Variants in ATRX observed in about 807,000 individuals in gnomAD.
The protein encoded by ATRX is chromatin remodeler ATRX.
ATRX carries 12 observed loss-of-function variants against 172.6 expected under a neutral mutation model. That is an observed-to-expected ratio of 0.07 (90% CI 0.04 to 0.11). The LOEUF is 0.11. Among genes scored for constraint, ATRX ranks in the 10% least tolerant of loss-of-function variants. The probability of loss-of-function intolerance (pLI) is 1.00; values close to 1 mark genes in which losing one functional copy is unlikely to be tolerated. For synonymous variants in ATRX, 674 were observed against 594.7 expected, an observed-to-expected ratio of 1.13 and a Z score of -1.94; for missense variants, 1,368 against 1,767.4, an observed-to-expected ratio of 0.77 and a Z score of 4.05.
intron 13 of ATRX, among the ~76,000 whole-genome samples, chrX:77,655,400 A>T (rs2069492528): frequency 9.0e-6 from 1 of 111,290 alleles, no homozygotes; most frequent in Admixed American, 9.6e-5. Flanking sequence ...ACATGGATGA[A>T]CCATGAAAAC....
chrX:77,721,930 C>G (rs781809778), intron 1 of ATRX, among the ~76,000 whole-genome samples: 1 of 111,833 alleles, frequency 8.9e-6, no homozygotes, highest in South Asian at 3.7e-4. Context: ...AACTATACTA[C>G]AAGGCTACAG....
chrX:77,772,248 T>G (rs2076177896), intron 1 of ATRX, among the ~76,000 whole-genome samples: 1 of 101,274 alleles, frequency 9.9e-6, no homozygotes, highest in Non-Finnish European at 2.0e-5. Context: ...GAGGCAGAGG[T>G]GCAGTGAGCC....
chrX:77,727,372 C>T (rs2074094133), intron 1 of ATRX, among the ~76,000 whole-genome samples: 1 of 111,594 alleles, frequency 9.0e-6, no homozygotes, highest in South Asian at 3.8e-4. Flanking sequence ...TGTAAAGACA[C>T]ATGCACACAT....
At chrX:77,673,240 G>C (rs1271269394) in intron 10 of ATRX, among the ~76,000 whole-genome samples, 1 of 111,101 alleles carries the variant, frequency 9.0e-6, no homozygotes, top group African/African-American at 3.3e-5. Context: ...TAAATTATAT[G>C]AATAGATGTC....
chrX:77,743,854 C>T (rs1186932840), intron 1 of ATRX, among the ~76,000 whole-genome samples: 1 of 111,942 alleles, frequency 8.9e-6, no homozygotes, highest in Non-Finnish European at 1.9e-5. Flanking sequence ...CACACACTGC[C>T]CCAGGGCACA....
chrX:77,768,630 G>GA (rs2076053621), intron 1 of ATRX, among the ~76,000 whole-genome samples: 1 of 111,267 alleles, frequency 9.0e-6, no homozygotes, highest in East Asian at 2.8e-4. Flanking sequence ...TCCACATACA[G>GA]AAAAAATTCT....
chrX:77,764,149 T>C (rs1557194313), intron 1 of ATRX, among the ~76,000 whole-genome samples: 1 of 111,680 alleles, frequency 9.0e-6, no homozygotes, highest in Non-Finnish European at 1.9e-5. Context: ...AATGTTTTAA[T>C]ACCTAGCTCC....
chrX:77,705,407 T>C (rs1185862254), intron 2 of ATRX, among the ~76,000 whole-genome samples: 1 of 112,085 alleles, frequency 8.9e-6, no homozygotes, highest in Non-Finnish European at 1.9e-5. Context: ...ACCAACTCTA[T>C]AGACCGTGCA....
intron 22 of ATRX, chrX:77,615,965 T>A (rs1425027955): frequency 1.3e-6 from 1 of 751,132 alleles, no homozygotes; most frequent in African/African-American, 2.3e-5. Context: ...GTCCAAAGAT[T>A]AGGTTTTGTT....
chrX:77,557,757 G>T, intron 29 of ATRX, 112 bp from the exon 30 acceptor site: 1 of 650,419 alleles, frequency 1.5e-6, no homozygotes, highest in Non-Finnish European at 2.3e-6. Flanking sequence ...CTTTATGGTA[G>T]TATATTGCCA....
intron 8 of ATRX, 48 bp downstream of exon 8, chrX:77,684,891 C>A (rs781876307): frequency 4.7e-6 from 5 of 1,057,573 alleles, no homozygotes; most frequent in Non-Finnish European, 5.3e-6. Context: ...GTAACAATTC[C>A]TCCCAAAAGT....
At chrX:77,650,898 AT>A (rs2069186308) in intron 15 of ATRX, among the ~76,000 whole-genome samples, 1 of 111,934 alleles carries the variant, frequency 8.9e-6, no homozygotes, top group South Asian at 3.7e-4. Flanking sequence ...CATACCAACT[AT>A]TTTTTAAAAC....
At chrX:77,705,188 C>G (rs2072750176) in intron 2 of ATRX, among the ~76,000 whole-genome samples, 1 of 111,533 alleles carries the variant, frequency 9.0e-6, no homozygotes, top group Non-Finnish European at 1.9e-5. Flanking sequence ...GAGGGTGGGT[C>G]TCCTGCCTGC....
intron 1 of ATRX, among the ~76,000 whole-genome samples, chrX:77,777,354 C>A (rs1320558043): frequency 9.2e-6 from 1 of 108,921 alleles, no homozygotes; most frequent in Non-Finnish European, 1.9e-5. Context: ...GCACTCCAGC[C>A]TGGGCGACAG....
At chrX:77,729,900 G>A (rs1189356440) in intron 1 of ATRX, among the ~76,000 whole-genome samples, 2 of 111,858 alleles carry the variant, frequency 1.8e-5, no homozygotes, top group East Asian at 2.8e-4. Flanking sequence ...TCACGTCACC[G>A]CACTCCAGCC....
At chrX:77,521,011 A>C in intron 33 of ATRX, 95 bp from the exon 34 acceptor site, 2 of 920,099 alleles carry the variant, frequency 2.2e-6, no homozygotes, top group Non-Finnish European at 3.1e-6. Context: ...CCAAGGTTTC[A>C]AACCCCCCTT....
chrX:77,632,974 T>A (rs1328111657), intron 19 of ATRX, among the ~76,000 whole-genome samples: 2 of 111,585 alleles, frequency 1.8e-5, no homozygotes, highest in Non-Finnish European at 3.8e-5. Flanking sequence ...TTACAAGGTA[T>A]CCCCTAAAAC....
chrX:77,676,437 A>G, intron 9 of ATRX, 139 bp from the exon 10 acceptor site: 1 of 443,986 alleles, frequency 2.3e-6, no homozygotes, highest in Non-Finnish European at 3.9e-6. Flanking sequence ...ATGAGTAAAA[A>G]GCATTCTTAT....
At chrX:77,685,468 T>G (rs45496795) in intron 7 of ATRX, among the ~76,000 whole-genome samples, 129 of 112,071 alleles carry the variant, frequency 1.2e-3, no homozygotes, top group African/African-American at 4.1e-3. Context: ...CAGAGAAATG[T>G]TAATCAAAAC....
Sources: allele counts gnomAD v4.1 joint callset (sites outside exome capture counted in the v4.1 genomes callset), GRCh38; gene constraint gnomAD v4.1.1; transcripts MANE v1.5; gene names NCBI Gene and HGNC (gene_info 2026-07-23, HGNC 2026-07-21).